Variants in SCARB1 observed in about 807,000 individuals in gnomAD.
SCARB1 encodes the protein CD36 and LIMPII analogous 1.
A neutral mutation model predicts 57.2 loss-of-function variants in SCARB1; 30 were observed. That is an observed-to-expected ratio of 0.52 (90% CI 0.39 to 0.71). The LOEUF (loss-of-function observed/expected upper bound fraction) is 0.71. Ranked by LOEUF, SCARB1 falls within the 30% of genes least tolerant of loss-of-function variation. The pLI, the probability that SCARB1 is intolerant of heterozygous loss-of-function variation, is 0.00. For synonymous variants in SCARB1, 249 were observed against 268.3 expected (o/e 0.93, Z 0.70); for missense variants, 543 against 671.2 (o/e 0.81, Z 2.11).
Position 124,810,131 on chromosome 12 carries a change from A to G in SCARB1, c.842+43T>C. The G allele has an allele frequency of 7.4e-7, 1 of 1,351,486 alleles. No homozygotes were observed. Among genetic ancestry groups the G allele is most frequent in the Non-Finnish European group, 1.1e-6 (1 of 943,332 alleles). The allele number at this position is 1,351,486 out of a possible 1,614,324, so 83.7% of individuals were successfully genotyped here. A position where few individuals can be genotyped will look rare whatever the true frequency, so the allele number is the denominator to read the frequency against. On this transcript the variant is annotated intron_variant, in intron 6 of 12. Transcript: ENST00000261693. This position sits in a 1 kb window ranked among gnomAD's most constrained non-coding sequence, Gnocchi z 4.0. Reference sequence around the variant, plus strand: ...GCCAACACCACAGAATTTGGCCATGAGCTACCCAGGAAACCCAGGAGGCCC... The same window carrying G: ...GCCAACACCACAGAATTTGGCCATGGGCTACCCAGGAAACCCAGGAGGCCC...
chr12:124,801,669 A>G (rs1327037194), intron 7 of SCARB1, among the ~76,000 whole-genome samples: 1 of 151,770 alleles, frequency 6.6e-6, no homozygotes, highest in Non-Finnish European at 1.5e-5. Context: ...AATCCCAGCT[A>G]CTCGGGAGGC....
intron 1 of SCARB1, among the ~76,000 whole-genome samples, chr12:124,845,886 C>A (rs1952129988): frequency 6.6e-6 from 1 of 151,498 alleles, no homozygotes; most frequent in Admixed American, 6.6e-5. Context: ...GTGACAGGCG[C>A]CTGTAGTCCC....
intron 1 of SCARB1, among the ~76,000 whole-genome samples, chr12:124,847,844 T>A (rs1191391949): frequency 6.6e-6 from 1 of 152,134 alleles, no homozygotes; most frequent in African/African-American, 2.4e-5. Flanking sequence ...TCTGCTCCAA[T>A]CTGATTCACA....
chr12:124,819,978 TC>T (rs1003150423), intron 1 of SCARB1, among the ~76,000 whole-genome samples: 1 of 152,236 alleles, frequency 6.6e-6, no homozygotes, highest in Non-Finnish European at 1.5e-5. Flanking sequence ...GAATTCTTTG[TC>T]AAGAAACTGG....
intron 1 of SCARB1, among the ~76,000 whole-genome samples, chr12:124,834,006 C>A (rs1383635694): frequency 6.6e-6 from 1 of 152,254 alleles, no homozygotes; most frequent in African/African-American, 2.4e-5. Context: ...GCCCGTGCTG[C>A]CTGCACTGCC....
intron 1 of SCARB1, among the ~76,000 whole-genome samples, chr12:124,833,193 CTTT>C (rs34730382): frequency 5.0e-5 from 7 of 141,382 alleles, no homozygotes; most frequent in Admixed American, 1.4e-4. Flanking sequence ...AGATCCTTAA[CTTT>C]TTTTTTTTTT....
intron 1 of SCARB1, among the ~76,000 whole-genome samples, chr12:124,832,337 T>C (rs752663371): frequency 5.3e-5 from 8 of 152,162 alleles, no homozygotes; most frequent in Non-Finnish European, 8.8e-5. Flanking sequence ...CTGGCCAACA[T>C]AGTGAAATCC....
At chr12:124,854,913 T>C (rs536936508) in intron 1 of SCARB1, among the ~76,000 whole-genome samples, 3 of 152,134 alleles carry the variant, frequency 2.0e-5, no homozygotes, top group African/African-American at 7.2e-5. Context: ...GGCCCAGGGA[T>C]ACCAATTTGG....
At position 124,778,385 on chromosome 12, in the gene SCARB1, TC is replaced by T; in HGVS notation, c.*201del. 1 of 1,212,944 alleles carries T rather than the reference TC, an allele frequency of 8.2e-7. No homozygotes were observed. The highest frequency in any genetic ancestry group is 1.0e-6 in the Non-Finnish European group (1 of 964,334). The allele number at this position is 1,212,944 out of a possible 1,614,324, so 75.1% of individuals were successfully genotyped here. On this transcript the variant is annotated 3_prime_UTR_variant, in exon 13 of 13. Coordinates refer to ENST00000261693, the MANE Select transcript of SCARB1 (RefSeq NM_005505.5). Reference sequence around the variant, plus strand: ...TCAGCAGCAGCTCCATCCCTGAGTGTCTGCACAAGCCTGCACGCATGTGTGT... The same window carrying T: ...TCAGCAGCAGCTCCATCCCTGAGTGTTGCACAAGCCTGCACGCATGTGTGT...
Position 124,840,713 on chromosome 12 carries a change from AC to A in SCARB1, c.126+22881del, listed in dbSNP as rs149840614. Among the ~76,000 whole-genome samples, 709 of 151,770 alleles carry A rather than the reference AC, an allele frequency of 4.7e-3. 4 individuals carry two copies. The highest frequency in any genetic ancestry group is 0.016 in the African/African-American group (644 of 41,356). On this transcript the variant is annotated intron_variant, in intron 1 of 12. Transcript: ENST00000261693. ...CCTTCCCTCGCACCCCAGTCCACTG[AC>A]CTATCTTGTTGACTCTCCCTGAAAA...
intron 1 of SCARB1, among the ~76,000 whole-genome samples, chr12:124,825,641 A>G (rs1951128300): frequency 6.6e-6 from 1 of 152,182 alleles, no homozygotes; most frequent in Non-Finnish European, 1.5e-5. Flanking sequence ...ATTGCACTCC[A>G]ACCTGGGTGA....
intron 1 of SCARB1, among the ~76,000 whole-genome samples, chr12:124,821,902 G>A (rs1478739709): frequency 6.6e-6 from 1 of 152,168 alleles, no homozygotes; most frequent in Non-Finnish European, 1.5e-5. Flanking sequence ...CAGTGGTGGG[G>A]ACACTGTGGC....
Position 124,812,037 on chromosome 12 carries a change from G to T in SCARB1, c.631-72C>A. ...TGAGCCGGCCTGGTCTGAACATTCT[G>T]GGCTGAGCCCTCCTCCCCCTCCACC... On this transcript the variant is annotated intron_variant, in intron 4 of 12. Transcript: ENST00000261693. The surrounding 1 kb of genome is among the most constrained non-coding windows in gnomAD (Gnocchi z 4.3). 8.5e-7 allele frequency: 1 copy of T among 1,183,186 alleles called. No homozygotes were observed. Among genetic ancestry groups the T allele is most frequent in the Admixed American group, 2.0e-5 (1 of 51,152 alleles). 73.3% of individuals were successfully genotyped at this position (1,183,186 alleles called of 1,614,324 possible).
intron 1 of SCARB1, among the ~76,000 whole-genome samples, chr12:124,840,657 C>T (rs1951871023): frequency 6.6e-6 from 1 of 152,168 alleles, no homozygotes; most frequent in African/African-American, 2.4e-5. Context: ...CCAAACTCCT[C>T]AAACCTTGAG....
chr12:124,825,720 C>T (rs1194282988), intron 1 of SCARB1, among the ~76,000 whole-genome samples: 1 of 152,164 alleles, frequency 6.6e-6, no homozygotes, highest in Non-Finnish European at 1.5e-5. Context: ...ATAAGCTGGG[C>T]TTCTGCACAC....
Position 124,810,522 on chromosome 12 carries a change from TG to T in SCARB1, c.727-234del, listed in dbSNP as rs1950486126. ...TCGCTAGGGACTCAGTTCTTTCATCTGCAAAATAGGCCTATCACCCACATTT... is the reference window on the plus strand; with the variant it reads ...TCGCTAGGGACTCAGTTCTTTCATCTCAAAATAGGCCTATCACCCACATTT... On this transcript the variant is annotated intron_variant, in intron 5 of 12. Coordinates refer to ENST00000261693, the MANE Select transcript of SCARB1 (RefSeq NM_005505.5). This position sits in a 1 kb window ranked among gnomAD's most constrained non-coding sequence, Gnocchi z 4.0. 6.6e-6 allele frequency among the ~76,000 whole-genome samples: 1 copy of T among 152,182 alleles called. No individual in the cohort carries two copies. Among genetic ancestry groups the T allele is most frequent in the African/African-American group, 2.4e-5 (1 of 41,446 alleles).
chr12:124,834,707 A>G (rs915172227), intron 1 of SCARB1, among the ~76,000 whole-genome samples: 9 of 152,204 alleles, frequency 5.9e-5, no homozygotes, highest in African/African-American at 2.2e-4. Flanking sequence ...CAGGAGTTCA[A>G]CAGTCTGGGC....
In SCARB1 at chr12:124,814,327, G is replaced by A. The variant is rs546918081; in HGVS notation, c.505C>T (p.Arg169Cys). The part of the protein sequence containing the change: ...MTLAFTTLGE[R>C]AFMNRTVGEI... Reference sequence around the variant, plus strand: ...CCCACAGTGCGGTTCATGAAGGCACGTTCGCCGAGGGTGGTGAATGCCAAG... The same window carrying A: ...CCCACAGTGCGGTTCATGAAGGCACATTCGCCGAGGGTGGTGAATGCCAAG... Residue 169 changes from arginine (R) to cysteine (C), a missense_variant, in exon 4 of 13, where the codon CGT becomes TGT. Transcript: ENST00000261693. This position sits in a 1 kb window ranked among gnomAD's most constrained non-coding sequence, Gnocchi z 4.7. 2.4e-5 allele frequency: 39 copies of A among 1,614,150 alleles called. 1 individual carries two copies. In the Admixed American group the frequency reaches 4.0e-4, roughly 17 times the overall value.
chr12:124,806,203 G>A (rs1442818902), intron 7 of SCARB1, among the ~76,000 whole-genome samples: 3 of 152,120 alleles, frequency 2.0e-5, no homozygotes, highest in Admixed American at 6.6e-5. Flanking sequence ...ACAATGAGGC[G>A]GGGGTTGGGG....
Sources: gnomAD v4.1 joint callset for allele counts (sites outside exome capture counted in the v4.1 genomes callset) on GRCh38, gnomAD v4.1.1 for gene constraint, Gnocchi (gnomAD v3.1) non-coding constraint, MANE v1.5 for transcripts, NCBI Gene and HGNC (gene_info 2026-07-23, HGNC 2026-07-21) for gene names.